The following GPSM2 variants were observed in gnomAD, a reference collection of about 807,000 sequenced individuals.
GPSM2 encodes the protein G protein-signaling modulator 2.
A neutral mutation model predicts 78.4 loss-of-function variants in GPSM2; 58 were observed. The observed-to-expected ratio is 0.74, with a 90% CI of 0.60 to 0.92. The LOEUF (loss-of-function observed/expected upper bound fraction) is 0.92, where lower values mean the gene tolerates loss of function less well. GPSM2 is among the 40% of genes least tolerant of loss of function. The pLI, the probability that GPSM2 is intolerant of heterozygous loss-of-function variation, is 0.00. For synonymous variants in GPSM2, 224 were observed against 280.2 expected (o/e 0.80, Z 2.00); for missense variants, 700 against 815.5 (o/e 0.86, Z 1.73).
intron 10 of GPSM2, among the ~76,000 whole-genome samples, chr1:108,905,647 C>T (rs1344930340): frequency 1.3e-5 from 2 of 152,062 alleles, no homozygotes; most frequent in Non-Finnish European, 2.9e-5. Context: ...AGTTCTTGGA[C>T]CTCTTCTTCC....
At position 108,934,363 on chromosome 1, in the gene GPSM2, A is replaced by G. The variant is rs1652526150; in HGVS notation, c.*4423A>G. Reference sequence around the variant, plus strand: ...TAAAATTTCTTTTTCAATGTCCCCAATTCAAACTGGCCTCCTTAACTATCC... The same window carrying G: ...TAAAATTTCTTTTTCAATGTCCCCAGTTCAAACTGGCCTCCTTAACTATCC... On this transcript the variant is annotated 3_prime_UTR_variant, in exon 15 of 15. Transcript: ENST00000264126. 5 of 314,042 alleles carry G rather than the reference A, an allele frequency of 1.6e-5. No individual in the cohort carries two copies. Among genetic ancestry groups the G allele is most frequent in the Non-Finnish European group, 2.3e-5 (4 of 171,526 alleles). 19.5% of individuals were successfully genotyped at this position (314,042 alleles called of 1,614,324 possible). A position where few individuals can be genotyped will look rare whatever the true frequency, so the allele number is the denominator to read the frequency against.
intron 10 of GPSM2, among the ~76,000 whole-genome samples, chr1:108,907,554 T>C (rs1018626075): frequency 2.6e-5 from 4 of 152,004 alleles, no homozygotes; most frequent in African/African-American, 9.7e-5. Flanking sequence ...TTATCAGATA[T>C]AGAAAATAAA....
At chr1:108,915,410 T>C (rs1343367402) in intron 11 of GPSM2, among the ~76,000 whole-genome samples, 1 of 150,714 alleles carries the variant, frequency 6.6e-6, no homozygotes, top group African/African-American at 2.4e-5. Context: ...CTTTTATGTA[T>C]ATTTTTATTT....
intron 2 of GPSM2, among the ~76,000 whole-genome samples, chr1:108,892,077 A>G (rs1648012557): frequency 6.6e-6 from 1 of 152,214 alleles, no homozygotes; most frequent in Non-Finnish European, 1.5e-5. Context: ...ATTAGAATAC[A>G]GAGAAGGTAG....
intron 10 of GPSM2, among the ~76,000 whole-genome samples, chr1:108,908,295 T>C (rs1015154200): frequency 3.3e-5 from 5 of 150,874 alleles, no homozygotes; most frequent in African/African-American, 9.8e-5. Flanking sequence ...GGCGTGAACC[T>C]GGGAGGCGGA....
At chr1:108,888,540 C>T (rs562905357) in intron 2 of GPSM2, among the ~76,000 whole-genome samples, 1 of 151,764 alleles carries the variant, frequency 6.6e-6, no homozygotes, top group East Asian at 1.9e-4. Context: ...CGATCTCACT[C>T]TGTTGCCTAG....
chr1:108,914,233 A>G (rs1297101165), intron 10 of GPSM2, 105 bp from the exon 11 acceptor site: 8 of 752,542 alleles, frequency 1.1e-5, no homozygotes, highest in Non-Finnish European at 1.9e-5. Context: ...TTCTCGTTTC[A>G]TATGGGTTTG....
At chr1:108,929,066 T>G (rs1434222367) in intron 14 of GPSM2, among the ~76,000 whole-genome samples, 1 of 152,164 alleles carries the variant, frequency 6.6e-6, no homozygotes. Flanking sequence ...AGGCAAACTT[T>G]TTCTGTAAAA....
intron 12 of GPSM2, among the ~76,000 whole-genome samples, chr1:108,921,879 G>A (rs936102110): frequency 6.6e-6 from 1 of 151,936 alleles, no homozygotes; most frequent in Non-Finnish European, 1.5e-5. Flanking sequence ...ATAATTACTT[G>A]TATTAAACAT....
Position 108,919,050 on chromosome 1 carries a change from C to CA in GPSM2, c.1440+262dup, listed in dbSNP as rs140689884. Among the ~76,000 whole-genome samples the CA allele has an allele frequency of 4.7e-3, 712 of 151,954 alleles. 4 individuals carry two copies. Among genetic ancestry groups the CA allele is most frequent in the Middle Eastern group, 0.01 (3 of 294 alleles). On this transcript the variant is annotated intron_variant, in intron 12 of 14. Transcript: ENST00000264126. ...CGAGATGGAATCTTGCTCTGTCACC[C>CA]AGGCTGGAGTTCAGTGGCGCAATCT...
Position 108,914,366 on chromosome 1 carries a change from T to A in GPSM2, c.1221T>A (p.His407Gln). 1.2e-6 allele frequency: 2 copies of A among 1,612,894 alleles called. No homozygotes were observed. Among genetic ancestry groups the A allele is most frequent in the Non-Finnish European group, 1.7e-6 (2 of 1,179,014 alleles). Residue 407 changes from histidine to glutamine, a missense_variant, in exon 11 of 15, where the codon CAT becomes CAA. Physicochemically the swap from His to Gln is conservative, Grantham distance 24. Coordinates refer to ENST00000264126, the MANE Select transcript of GPSM2 (RefSeq NM_013296.5). ...NGVRPKLGRR[H>Q]SMENMELMKL... ...TACGCCCCAAGTTGGGACGCCGGCATAGTATGGAAAATATGGAACTTATGA... is the reference window on the plus strand; with the variant it reads ...TACGCCCCAAGTTGGGACGCCGGCAAAGTATGGAAAATATGGAACTTATGA...
intron 4 of GPSM2, 117 bp from the exon 5 acceptor site, chr1:108,897,842 G>A: frequency 9.8e-7 from 1 of 1,024,644 alleles, no homozygotes; most frequent in Non-Finnish European, 1.5e-6. Flanking sequence ...GGTTCTGTAT[G>A]GAGAGCCAAT....
At chr1:108,882,140 C>T (rs959486228) in intron 1 of GPSM2, among the ~76,000 whole-genome samples, 7 of 152,080 alleles carry the variant, frequency 4.6e-5, no homozygotes, top group Admixed American at 1.3e-4. Context: ...TTTGTAGAAA[C>T]GGGGTCTTGT....
intron 2 of GPSM2, among the ~76,000 whole-genome samples, chr1:108,887,761 C>T (rs1306116759): frequency 6.6e-6 from 1 of 152,212 alleles, no homozygotes; most frequent in African/African-American, 2.4e-5. Flanking sequence ...AGCATGCAGC[C>T]TACCCCCATC....
intron 11 of GPSM2, among the ~76,000 whole-genome samples, chr1:108,915,304 G>A (rs1650104327): frequency 6.8e-6 from 1 of 146,276 alleles, no homozygotes; most frequent in South Asian, 2.2e-4. Context: ...CTGGGAGGCG[G>A]AGGTTGCAGT....
chr1:108,918,411 G>C (rs1157803581), intron 11 of GPSM2, among the ~76,000 whole-genome samples: 1 of 152,114 alleles, frequency 6.6e-6, no homozygotes, highest in Non-Finnish European at 1.5e-5. Context: ...TTTTGATAAT[G>C]AGAATCCACA....
chr1:108,912,677 T>TA (rs945587044), intron 10 of GPSM2, among the ~76,000 whole-genome samples: 2 of 151,360 alleles, frequency 1.3e-5, no homozygotes, highest in Non-Finnish European at 2.9e-5. Flanking sequence ...AGAGGTCACC[T>TA]AAGCTGCAGT....
chr1:108,891,304 C>G (rs947847756), intron 2 of GPSM2, among the ~76,000 whole-genome samples: 2 of 152,058 alleles, frequency 1.3e-5, no homozygotes, highest in Non-Finnish European at 2.9e-5. Flanking sequence ...ATTTTGTTAG[C>G]TCAATGTAGT....
chr1:108,904,050 C>A, intron 9 of GPSM2, 75 bp from the exon 10 acceptor site: 1 of 970,776 alleles, frequency 1.0e-6, no homozygotes, highest in African/African-American at 1.6e-5. Context: ...GTTTTAGGTT[C>A]ACTACATTTA....
Sources: gnomAD v4.1 joint callset for allele counts (sites outside exome capture counted in the v4.1 genomes callset) on GRCh38, gnomAD v4.1.1 for gene constraint, MANE v1.5 for transcripts, NCBI Gene and HGNC (gene_info 2026-07-23, HGNC 2026-07-21) for gene names.